Variants in RABEP1 observed in about 807,000 individuals in gnomAD.
RABEP1 encodes the protein rab GTPase-binding effector protein 1.
RABEP1 carries 51 observed loss-of-function variants against 123.4 expected under a neutral mutation model. The observed-to-expected ratio is 0.41, with a 90% CI of 0.33 to 0.52. The LOEUF (loss-of-function observed/expected upper bound fraction) is 0.52. RABEP1 is among the 20% of genes least tolerant of loss of function. The probability of loss-of-function intolerance (pLI) is 0.16; values close to 1 mark genes in which losing one functional copy is unlikely to be tolerated. For missense variants in RABEP1, 888 were observed against 996.3 expected (o/e 0.89, Z 1.46); for synonymous variants, 347 against 355.2 (o/e 0.98, Z 0.26).
At chr17:5,290,218 G>A (rs56315387) in intron 1 of RABEP1, among the ~76,000 whole-genome samples, 2 of 152,158 alleles carry the variant, frequency 1.3e-5, no homozygotes, top group Admixed American at 1.3e-4. Context: ...CTCCCAAGTA[G>A]TTGGGACTAC....
chr17:5,385,496 G>GC lies in RABEP1; in HGVS notation c.*2274dup. The stretch of plus-strand genomic sequence containing the variant: ...GTAGTACCTTTCAGAACTCACATTG[G>GC]CAAGTGTAAAAAGATGACTTAAGGT... On this transcript the variant is annotated 3_prime_UTR_variant, in exon 18 of 18. Transcript: ENST00000537505. 4.3e-6 allele frequency: 1 copy of GC among 230,584 alleles called. No individual in the cohort carries two copies. The highest frequency in any genetic ancestry group is 8.6e-6 in the Non-Finnish European group (1 of 116,468). The allele number at this position is 230,584 out of a possible 1,614,324, so 14.3% of individuals were successfully genotyped here. A position where few individuals can be genotyped will look rare whatever the true frequency, so the allele number is the denominator to read the frequency against.
At chr17:5,367,327 A>T (rs575401869) in intron 11 of RABEP1, among the ~76,000 whole-genome samples, 1 of 151,766 alleles carries the variant, frequency 6.6e-6, no homozygotes, top group Admixed American at 6.6e-5. Flanking sequence ...GCTAGAGTGC[A>T]GTGGCACGAT....
rs199811226 is a variant in RABEP1 at position 5,365,032 on chromosome 17, A to AT, written c.1669-81dup. The stretch of plus-strand genomic sequence containing the variant: ...TGTTTCCCAGAAAAAGACATAAGAG[A>AT]TTTTTTTTTAAAATTCTGGAGTTAG... On this transcript the variant is annotated intron_variant, in intron 10 of 17. Transcript: ENST00000537505. 2,234 of 768,596 alleles carry AT rather than the reference A, an allele frequency of 2.9e-3. 3 individuals carry two copies. The highest frequency in any genetic ancestry group is 3.6e-3 in the Non-Finnish European group (1,753 of 483,404). The allele number at this position is 768,596 out of a possible 1,614,324, so 47.6% of individuals were successfully genotyped here. A position where few individuals can be genotyped will look rare whatever the true frequency, so the allele number is the denominator to read the frequency against.
intron 7 of RABEP1, among the ~76,000 whole-genome samples, chr17:5,351,087 T>G (rs1217607080): frequency 2.0e-5 from 3 of 152,158 alleles, no homozygotes; most frequent in African/African-American, 7.2e-5. Flanking sequence ...GTATTTTGTG[T>G]GTAGCCAAGA....
intron 3 of RABEP1, 118 bp from the exon 4 acceptor site, chr17:5,335,066 A>G: frequency 1.3e-6 from 1 of 796,766 alleles, no homozygotes; most frequent in Non-Finnish European, 1.9e-6. Flanking sequence ...TTTTTAGTGA[A>G]TTAAACATTT....
At chr17:5,316,503 G>A (rs531329810) in intron 2 of RABEP1, among the ~76,000 whole-genome samples, 63 of 135,592 alleles carry the variant, frequency 4.6e-4, no homozygotes, top group Middle Eastern at 4.3e-3. Flanking sequence ...ATAGACATTC[G>A]CAAAAAGAAA....
rs565084523 is a variant in RABEP1 at position 5,313,641 on chromosome 17, G to C, written c.163+4819G>C. ...ATGGGTTGGTTCAGAAAACATGCTT[G>C]GTTTGTTAAGATTGCATTGATGCAT... On this transcript the variant is annotated intron_variant, in intron 2 of 17. Coordinates refer to ENST00000537505, the MANE Select transcript of RABEP1 (RefSeq NM_004703.6). Among the ~76,000 whole-genome samples the C allele has an allele frequency of 3.6e-4, 55 of 152,270 alleles. 1 individual carries two copies. Among genetic ancestry groups the C allele is most frequent in the African/African-American group, 1.3e-3 (54 of 41,552 alleles).
chr17:5,339,927 AAT>A (rs767308483), intron 5 of RABEP1, among the ~76,000 whole-genome samples: 8 of 152,358 alleles, frequency 5.3e-5, no homozygotes, highest in African/African-American at 9.6e-5. Flanking sequence ...AAAAGCCACT[AAT>A]AGAGATAAAG....
chr17:5,299,722 T>G (rs2075117123), intron 1 of RABEP1, among the ~76,000 whole-genome samples: 1 of 115,754 alleles, frequency 8.6e-6, no homozygotes, highest in African/African-American at 3.3e-5. Context: ...TTCTTTTCTT[T>G]TTCTTTTTCT....
At chr17:5,319,327 C>CGAA (rs2075329125) in intron 2 of RABEP1, among the ~76,000 whole-genome samples, 1 of 114,700 alleles carries the variant, frequency 8.7e-6, no homozygotes, top group Non-Finnish European at 1.7e-5. Context: ...GACTCTGTCT[C>CGAA]AAAAAAAAAA....
chr17:5,383,234 G>T lies in RABEP1; in HGVS notation c.*11G>T, dbSNP rs1248854353. 2 of 1,609,414 alleles carry T rather than the reference G, an allele frequency of 1.2e-6. No individual in the cohort carries two copies. The highest frequency in any genetic ancestry group is 1.7e-6 in the Non-Finnish European group (2 of 1,175,994). ...CTTCCTGAGACATGACACCCTCATG[G>T]CAGGATTCTAGCCTGCACTTTGGGT... On this transcript the variant is annotated 3_prime_UTR_variant, in exon 18 of 18. Transcript: ENST00000537505.
rs1911933917 is a variant in RABEP1 at position 5,386,063 on chromosome 17, T to C, written c.*2840T>C. On this transcript the variant is annotated 3_prime_UTR_variant, in exon 18 of 18. Coordinates refer to ENST00000537505, the MANE Select transcript of RABEP1 (RefSeq NM_004703.6). ...AATAAAAGCATTTACTCAATTATTA[T>C]AAAACAACATATTTAAAAAGATGAA... is the stretch of plus-strand genomic sequence containing the variant. 6.5e-6 allele frequency: 4 copies of C among 613,852 alleles called. No individual in the cohort carries two copies. The highest frequency in any genetic ancestry group is 1.1e-5 in the Non-Finnish European group (4 of 350,458). The allele number at this position is 613,852 out of a possible 1,614,324, so 38.0% of individuals were successfully genotyped here. A position where few individuals can be genotyped will look rare whatever the true frequency, so the allele number is the denominator to read the frequency against.
At position 5,354,388 on chromosome 17, in the gene RABEP1, G is replaced by C; in HGVS notation, c.993G>C (p.Lys331Asn). ...ATGATGAACAACAAAGACTCAATAA[G>C]AGAAAGGATCACAAAAAAGCAGATG... ...QEDDEQQRLN[K>N]RKDHKKADVE... The change falls in exon 8 of 18, where the codon AAG becomes AAC. Residue 331 changes from lysine (K) to asparagine (N), a missense_variant. Lys to Asn is a moderately conservative substitution (Grantham distance 94). Transcript: ENST00000537505. 2 of 1,612,852 alleles carry C rather than the reference G, an allele frequency of 1.2e-6. No homozygotes were observed. The highest frequency in any genetic ancestry group is 1.7e-6 in the Non-Finnish European group (2 of 1,179,410).
At chr17:5,373,214 C>A in intron 12 of RABEP1, 100 bp from the exon 13 acceptor site, 1 of 1,138,886 alleles carries the variant, frequency 8.8e-7, no homozygotes, top group Non-Finnish European at 1.2e-6. Context: ...CCCCGTCCAT[C>A]CTCAGCACTC....
chr17:5,346,708 A>G, intron 5 of RABEP1, 82 bp from the exon 6 acceptor site: 1 of 1,160,352 alleles, frequency 8.6e-7, no homozygotes, highest in South Asian at 3.1e-5. Flanking sequence ...TTTTTGAGGC[A>G]TAGCCAGAAC....
chr17:5,329,818 C>CATATATATATATATATATATATAT lies in RABEP1; in HGVS notation c.164-2127_164-2104dup, dbSNP rs61446536. Reference sequence around the variant, plus strand: ...TAAATATAACATTCATATATATGTTCATATATATATATATATATATATATA... The same window carrying CATATATATATATATATATATATAT: ...TAAATATAACATTCATATATATGTTCATATATATATATATATATATATATATATATATATATATATATATATATA... On this transcript the variant is annotated intron_variant, in intron 2 of 17. Transcript: ENST00000537505. Among the ~76,000 whole-genome samples the CATATATATATATATATATATATAT allele has an allele frequency of 7.7e-5, 11 of 143,086 alleles. 1 individual carries two copies. The highest frequency in any genetic ancestry group is 2.5e-4 in the African/African-American group (10 of 39,254). The allele number at this position is 143,086 out of a possible 152,430, so 93.9% of individuals were successfully genotyped here.
intron 1 of RABEP1, among the ~76,000 whole-genome samples, chr17:5,290,367 C>T (rs61532899): frequency 0.12 from 18,911 of 152,108 alleles, 1,918 homozygotes; most frequent in East Asian, 0.48. Context: ...GGATTACAGG[C>T]GTGAGCCACC....
chr17:5,290,553 ATAAAT>A (rs1456726407), intron 1 of RABEP1, among the ~76,000 whole-genome samples: 1 of 152,164 alleles, frequency 6.6e-6, no homozygotes, highest in Non-Finnish European at 1.5e-5. Flanking sequence ...TACAATTAAG[ATAAAT>A]TAATGCATTA....
intron 12 of RABEP1, among the ~76,000 whole-genome samples, chr17:5,372,992 A>G (rs1330064996): frequency 4.6e-5 from 7 of 152,198 alleles, no homozygotes; most frequent in Admixed American, 2.6e-4. Flanking sequence ...TCCTGAGCTC[A>G]GGCAATCCAC....
Sources: allele counts gnomAD v4.1 joint callset (sites outside exome capture counted in the v4.1 genomes callset), GRCh38; gene constraint gnomAD v4.1.1; transcripts MANE v1.5; gene names NCBI Gene and HGNC (gene_info 2026-07-23, HGNC 2026-07-21).